Variants in CA5B observed in about 807,000 individuals in gnomAD.
The protein encoded by CA5B is carbonic anhydrase 5B.
In CA5B, 15 loss-of-function variants were observed where a neutral mutation model predicts 23.1. That is an observed-to-expected ratio of 0.65 (90% CI 0.43 to 1.00). The LOEUF is 1.00. CA5B is among the 50% of genes least tolerant of loss of function. The pLI is 0.00. For synonymous variants in CA5B, 84 were observed against 98.5 expected, an observed-to-expected ratio of 0.85 and a Z score of 0.87; for missense variants, 236 against 252.2, an observed-to-expected ratio of 0.94 and a Z score of 0.43.
At chrX:15,774,837 C>T (rs1413815117) in intron 5 of CA5B, among the ~76,000 whole-genome samples, 2 of 111,684 alleles carry the variant, frequency 1.8e-5, no homozygotes, top group East Asian at 2.8e-4. Context: ...GACTCCATCC[C>T]CCCCACCACC....
At chrX:15,763,075 G>T (rs768379863) in intron 2 of CA5B, 36 of 217,285 alleles carry the variant, frequency 1.7e-4, no homozygotes, top group African/African-American at 1.0e-3. Flanking sequence ...CAACCTCCAG[G>T]GACCTTAGCA....
intron 3 of CA5B, among the ~76,000 whole-genome samples, chrX:15,767,897 CT>C (rs59290756): frequency 0.012 from 615 of 52,235 alleles, 6 homozygotes; most frequent in African/African-American, 0.049. Flanking sequence ...TGCACCTGGC[CT>C]TTTTTTTTTT....
rs1932138438 is a variant in CA5B at position 15,787,542 on chromosome X, T to G, written c.*4878T>G. ...GGAATTGGCTTTTAGAGTTACTTCC[T>G]GTAATGAAATTAACAAGCAATTCAG... On this transcript the variant is annotated 3_prime_UTR_variant, in exon 8 of 8. Coordinates refer to ENST00000318636, the MANE Select transcript of CA5B (RefSeq NM_007220.4). 1 of 112,628 alleles carries G rather than the reference T, an allele frequency of 8.9e-6. No individual in the cohort carries two copies. Among genetic ancestry groups the G allele is most frequent in the African/African-American group, 3.2e-5 (1 of 30,991 alleles). The allele number at this position is 112,628 out of a possible 1,213,427, so 9.3% of individuals were successfully genotyped here. A position where few individuals can be genotyped will look rare whatever the true frequency, so the allele number is the denominator to read the frequency against.
In CA5B at chrX:15,774,322, C is replaced by T. The variant is rs375930958; in HGVS notation, c.480C>T (p.Asn160=). 4.4e-5 allele frequency: 53 copies of T among 1,206,624 alleles called. No homozygotes were observed. Among genetic ancestry groups the T allele is most frequent in the Admixed American group, 3.3e-4 (15 of 45,334 alleles). ...FPAELHLVHW[N]AVRFENFEDA... is the part of the protein sequence containing the mutation. ...TTCAGCTGCACTTAGTGCATTGGAA[C>T]GCAGTCAGATTTGAAAACTTTGAGG... Residue 160 remains asparagine, a synonymous_variant, in exon 5 of 8, where the codon AAC becomes AAT. Transcript: ENST00000318636.
chrX:15,739,884 T>C (rs950597279), intron 1 of CA5B, among the ~76,000 whole-genome samples: 1 of 111,906 alleles, frequency 8.9e-6, no homozygotes, highest in African/African-American at 3.3e-5. Context: ...TGTTGCCTTT[T>C]GAAATCAGGT....
intron 7 of CA5B, 73 bp downstream of exon 7, chrX:15,776,942 G>A: frequency 1.1e-6 from 1 of 909,167 alleles, no homozygotes. Flanking sequence ...GGCTCAGACT[G>A]TGGCATCAGT....
chrX:15,773,744 A>G (rs1209973228), intron 4 of CA5B, among the ~76,000 whole-genome samples: 2 of 110,768 alleles, frequency 1.8e-5, no homozygotes, highest in East Asian at 2.8e-4. Flanking sequence ...TGTAGAGACA[A>G]GGTTTCACTA....
chrX:15,745,109 C>T (rs1326349425), intron 1 of CA5B, among the ~76,000 whole-genome samples: 2 of 97,453 alleles, frequency 2.1e-5, no homozygotes, highest in Non-Finnish European at 4.0e-5. Context: ...GCGGAGGTTG[C>T]AGTGAGCCGA....
intron 2 of CA5B, among the ~76,000 whole-genome samples, chrX:15,751,397 A>G (rs1291828519): frequency 8.9e-6 from 1 of 112,253 alleles, no homozygotes; most frequent in Non-Finnish European, 1.9e-5. Context: ...TCTTTTTCAA[A>G]TAAACGGACC....
chrX:15,745,299 G>T (rs1339796964), intron 1 of CA5B, among the ~76,000 whole-genome samples: 2 of 111,905 alleles, frequency 1.8e-5, no homozygotes, highest in Non-Finnish European at 3.8e-5. Flanking sequence ...TCTAGAATAG[G>T]CAAATAAATA....
At chrX:15,743,577 C>T (rs1011584198) in intron 1 of CA5B, among the ~76,000 whole-genome samples, 1 of 112,048 alleles carries the variant, frequency 8.9e-6, no homozygotes, top group Non-Finnish European at 1.9e-5. Flanking sequence ...AAAGGAATCA[C>T]CTCCTCACTG....
At chrX:15,743,861 A>G (rs1364458893) in intron 1 of CA5B, among the ~76,000 whole-genome samples, 6 of 111,875 alleles carry the variant, frequency 5.4e-5, no homozygotes, top group African/African-American at 2.0e-4. Flanking sequence ...CTTTCAGAAA[A>G]ACAGGTTTGA....
intron 2 of CA5B, among the ~76,000 whole-genome samples, chrX:15,753,217 C>T (rs751315819): frequency 1.3e-4 from 15 of 112,355 alleles, no homozygotes; most frequent in South Asian, 3.7e-4. Context: ...TTACAGAGTT[C>T]GACTCTTTTC....
chrX:15,753,810 G>C (rs1466318658), intron 2 of CA5B, among the ~76,000 whole-genome samples: 1 of 112,291 alleles, frequency 8.9e-6, no homozygotes. Flanking sequence ...TCAGGAGGCT[G>C]AGGCAAAAGA....
chrX:15,745,689 A>G (rs1413585960), intron 1 of CA5B: 1 of 112,018 alleles, frequency 8.9e-6, no homozygotes, highest in Non-Finnish European at 1.9e-5. Flanking sequence ...CTGGAAATCA[A>G]TGGAAAGGAA....
intron 7 of CA5B, 139 bp from the exon 8 acceptor site, chrX:15,782,346 G>T (rs952241484): frequency 1.7e-5 from 10 of 577,949 alleles, no homozygotes; most frequent in Admixed American, 6.5e-5. Context: ...TGGTGAAGGC[G>T]TTCTTACCCA....
In CA5B at chrX:15,764,919, G is replaced by C. The variant is rs1008621905; in HGVS notation, c.340+144G>C. 6.0e-6 allele frequency: 6 copies of C among 993,181 alleles called. No individual in the cohort carries two copies. The Admixed American group carries it at 1.4e-4, about 24-fold the overall frequency. The allele number at this position is 993,181 out of a possible 1,213,427, so 81.8% of individuals were successfully genotyped here. A position where few individuals can be genotyped will look rare whatever the true frequency, so the allele number is the denominator to read the frequency against. ...TCATTGATCTTAACTTTTTGAATGTGTGAAAAAAAATTCCTTCTAGTTTTT... is the reference window on the plus strand; with the variant it reads ...TCATTGATCTTAACTTTTTGAATGTCTGAAAAAAAATTCCTTCTAGTTTTT... On this transcript the variant is annotated intron_variant, in intron 3 of 7. Coordinates refer to ENST00000318636, the MANE Select transcript of CA5B (RefSeq NM_007220.4).
At chrX:15,770,328 A>C (rs1030010896) in intron 3 of CA5B, among the ~76,000 whole-genome samples, 7 of 112,239 alleles carry the variant, frequency 6.2e-5, no homozygotes, top group Admixed American at 1.9e-4. Flanking sequence ...AAAAATTAAA[A>C]AATAAAAGAA....
intron 1 of CA5B, 139 bp from the exon 2 acceptor site, chrX:15,749,832 C>T (rs762616817): frequency 5.3e-5 from 23 of 430,809 alleles, no homozygotes; most frequent in South Asian, 8.7e-5. Flanking sequence ...GTGGATAAAC[C>T]GTTGACTCTC....
Sources: gnomAD v4.1 joint callset for allele counts (sites outside exome capture counted in the v4.1 genomes callset) on GRCh38, gnomAD v4.1.1 for gene constraint, MANE v1.5 for transcripts, NCBI Gene and HGNC (gene_info 2026-07-23, HGNC 2026-07-21) for gene names.